The following CEP97 variants were observed in gnomAD, a reference collection of about 807,000 sequenced individuals.
CEP97 encodes the protein centrosomal protein of 97 kDa.
Under a neutral mutation model 73.1 loss-of-function variants are expected in CEP97, and 43 were observed. That is an observed-to-expected ratio of 0.59 (90% confidence interval 0.46 to 0.76). CEP97 has a LOEUF of 0.76. CEP97 is among the 30% of genes least tolerant of loss of function. CEP97 has a pLI of 0.00. For synonymous variants in CEP97, 337 were observed against 370.0 expected, an observed-to-expected ratio of 0.91 and a Z score of 1.02; for missense variants, 939 against 1,014.0, an observed-to-expected ratio of 0.93 and a Z score of 1.00.
In CEP97 at chr3:101,732,600, G is replaced by A. The variant is rs1938149256; in HGVS notation, c.674G>A (p.Ser225Asn). The A allele has an allele frequency of 6.2e-7, 1 of 1,614,084 alleles. No homozygotes were observed. Among genetic ancestry groups the A allele is most frequent in the South Asian group, 1.1e-5 (1 of 91,080 alleles). ...TTTGACTATCGGCCGTACATCGTCA[G>A]CTGGTGCCTAAACCTCAGAGTCCTA... The part of the protein sequence containing the change: ...PGFDYRPYIV[S>N]WCLNLRVLDG... Residue 225 changes from serine to asparagine, a missense_variant, in exon 6 of 11, where the codon AGC (serine) becomes AAC (asparagine). Transcript: ENST00000341893.
chr3:101,764,035 G>C (rs1206154647), intron 10 of CEP97, among the ~76,000 whole-genome samples: 4 of 152,128 alleles, frequency 2.6e-5, no homozygotes, highest in Non-Finnish European at 4.4e-5. Context: ...TTGTTACCAG[G>C]GACATGTACC....
chr3:101,761,675 T>C (rs574331669), intron 9 of CEP97, among the ~76,000 whole-genome samples: 45 of 152,238 alleles, frequency 3.0e-4, no homozygotes, highest in Non-Finnish European at 2.6e-4. Flanking sequence ...TGGGTCTGCT[T>C]TGGACAAGGA....
intron 9 of CEP97, among the ~76,000 whole-genome samples, chr3:101,760,871 T>A (rs201023381): frequency 1.1e-4 from 10 of 94,006 alleles, no homozygotes; most frequent in African/African-American, 2.1e-4. Context: ...TCTAAAAAAA[T>A]TTTTTTTTGA....
At chr3:101,732,193 T>A (rs1938134761) in intron 5 of CEP97, among the ~76,000 whole-genome samples, 1 of 152,192 alleles carries the variant, frequency 6.6e-6, no homozygotes, top group Admixed American at 6.5e-5. Flanking sequence ...TAGAGGGACA[T>A]CTACGTTATA....
chr3:101,758,358 G>C lies in CEP97; in HGVS notation c.1752G>C (p.Val584=), dbSNP rs1939078633. 6.2e-7 allele frequency: 1 copy of C among 1,614,054 alleles called. No homozygotes were observed. Among genetic ancestry groups the C allele is most frequent in the African/African-American group, 1.3e-5 (1 of 74,924 alleles). The change falls in exon 9 of 11, where the codon GTG becomes GTC. Residue 584 remains valine, a synonymous_variant. Transcript: ENST00000341893. ...ACTACAACCCTCAAGCCAAAGATGT[G>C]CGTTACGAAATCCGGCTACGCAGAA... ...ARNYNPQAKD[V]RYEIRLRRMQ...
At chr3:101,759,748 C>G (rs1007797078) in intron 9 of CEP97, among the ~76,000 whole-genome samples, 2 of 152,086 alleles carry the variant, frequency 1.3e-5, no homozygotes, top group African/African-American at 2.4e-5. Context: ...CTTTACTGCA[C>G]AGTGACCTTC....
chr3:101,766,661 C>T lies in CEP97; in HGVS notation c.*1110C>T, dbSNP rs1190373073. On this transcript the variant is annotated 3_prime_UTR_variant, in exon 11 of 11. Coordinates refer to ENST00000341893, the MANE Select transcript of CEP97 (RefSeq NM_024548.4). ...GGGATATATATATATATATATATGT[C>T]TGCAACTTCAGGGAGAAATAAGATT... 6.7e-6 allele frequency: 1 copy of T among 148,362 alleles called. No homozygotes were observed. The highest frequency in any genetic ancestry group is 1.5e-5 in the Non-Finnish European group (1 of 67,188). The allele number at this position is 148,362 out of a possible 1,614,324, so 9.2% of individuals were successfully genotyped here.
At chr3:101,725,189 A>T (rs184956573) in intron 1 of CEP97, among the ~76,000 whole-genome samples, 2 of 152,158 alleles carry the variant, frequency 1.3e-5, no homozygotes, top group African/African-American at 4.8e-5. Flanking sequence ...GGAGGTGGCC[A>T]GTGGCCGTGA....
chr3:101,751,895 G>T (rs922301032), intron 6 of CEP97, among the ~76,000 whole-genome samples: 1 of 152,076 alleles, frequency 6.6e-6, no homozygotes, highest in African/African-American at 2.4e-5. Flanking sequence ...TTTAATTGGA[G>T]CATTTAGTCC....
intron 7 of CEP97, among the ~76,000 whole-genome samples, chr3:101,755,882 A>G (rs1938990378): frequency 6.6e-6 from 1 of 152,134 alleles, no homozygotes; most frequent in Non-Finnish European, 1.5e-5. Context: ...TTGCAACTAC[A>G]GGTGCATGCC....
intron 9 of CEP97, among the ~76,000 whole-genome samples, chr3:101,760,339 G>A (rs1939137346): frequency 1.3e-5 from 2 of 152,100 alleles, no homozygotes; most frequent in Non-Finnish European, 2.9e-5. Context: ...GCTGGACAAT[G>A]TGAGAAAATG....
At chr3:101,751,787 A>C (rs1369787553) in intron 6 of CEP97, among the ~76,000 whole-genome samples, 1 of 151,670 alleles carries the variant, frequency 6.6e-6, no homozygotes, top group Non-Finnish European at 1.5e-5. Flanking sequence ...CCATCCTTTT[A>C]TTTTGAGCCT....
intron 6 of CEP97, among the ~76,000 whole-genome samples, chr3:101,733,765 C>T (rs1313407646): frequency 2.0e-5 from 3 of 151,984 alleles, no homozygotes; most frequent in South Asian, 2.1e-4. Context: ...CTCCTGACCT[C>T]GTGATCCACC....
chr3:101,762,926 C>T (rs544022760), intron 10 of CEP97, among the ~76,000 whole-genome samples: 1 of 152,236 alleles, frequency 6.6e-6, no homozygotes, highest in East Asian at 1.9e-4. Flanking sequence ...TGGTATATGA[C>T]TACAATATGC....
chr3:101,748,274 T>A (rs1228622935), intron 6 of CEP97, among the ~76,000 whole-genome samples: 1 of 151,786 alleles, frequency 6.6e-6, no homozygotes, highest in African/African-American at 2.4e-5. Context: ...ATAATTTGTG[T>A]AGGGATAAGT....
rs1187592734 is a variant in CEP97 at position 101,770,528 on chromosome 3, CTG to C, written c.*4979_*4980del. The stretch of plus-strand genomic sequence containing the variant: ...GTACTTATTTAATTTGTATTTGAGT[CTG>C]TCTAATTTTAAATAAAAGGTTTATA... On this transcript the variant is annotated 3_prime_UTR_variant, in exon 11 of 11. Coordinates refer to ENST00000341893, the MANE Select transcript of CEP97 (RefSeq NM_024548.4). The C allele has an allele frequency of 6.6e-6, 1 of 152,016 alleles. No individual in the cohort carries two copies. The highest frequency in any genetic ancestry group is 1.5e-5 in the Non-Finnish European group (1 of 67,998). The allele number at this position is 152,016 out of a possible 1,614,324, so 9.4% of individuals were successfully genotyped here.
intron 6 of CEP97, among the ~76,000 whole-genome samples, chr3:101,753,915 CTCTGCCCACCG>C (rs1169091253): frequency 1.3e-5 from 2 of 152,198 alleles, no homozygotes; most frequent in Non-Finnish European, 2.9e-5. Flanking sequence ...ACCCACTGTC[CTCTGCCCACCG>C]TCTGGCACTC....
intron 6 of CEP97, among the ~76,000 whole-genome samples, chr3:101,750,482 GA>G (rs1215113498): frequency 6.6e-6 from 1 of 152,144 alleles, no homozygotes; most frequent in Admixed American, 6.6e-5. Context: ...GTTTCAGAAG[GA>G]ATGGTACCAG....
intron 6 of CEP97, among the ~76,000 whole-genome samples, chr3:101,747,802 T>C (rs1479257343): frequency 6.6e-6 from 1 of 150,744 alleles, no homozygotes; most frequent in Non-Finnish European, 1.5e-5. Context: ...CTTTCAAGAG[T>C]GGAATCATAA....
Sources: gnomAD v4.1 joint callset for allele counts (sites outside exome capture counted in the v4.1 genomes callset) on GRCh38, gnomAD v4.1.1 for gene constraint, MANE v1.5 for transcripts, NCBI Gene and HGNC (gene_info 2026-07-23, HGNC 2026-07-21) for gene names.